FNDC1: variants seen among roughly 807,000 people sequenced by gnomAD.
The protein encoded by FNDC1 is fibronectin type III domain containing 1, also known as fibronectin type III domain-containing protein 1.
A neutral mutation model predicts 168.0 loss-of-function variants in FNDC1; 96 were observed. The ratio of observed to expected loss-of-function variants is 0.57; its 90% CI spans 0.48 to 0.68. FNDC1 has a LOEUF of 0.68. Ranked by LOEUF, FNDC1 falls within the 30% of genes least tolerant of loss-of-function variation. The pLI is 0.00. For synonymous variants in FNDC1, 1,099 were observed against 1,025.9 expected (o/e 1.07, Z -1.36); for missense variants, 2,587 against 2,482.1 (o/e 1.04, Z -0.90).
chr6:159,251,768 C>T (rs1342009750), intron 17 of FNDC1, among the ~76,000 whole-genome samples: 2 of 152,176 alleles, frequency 1.3e-5, no homozygotes, highest in East Asian at 1.9e-4. Flanking sequence ...CCTAAATCCG[C>T]GTCCCAGATT....
At chr6:159,238,465 A>C in intron 12 of FNDC1, 89 bp from the exon 13 acceptor site, 1 of 764,324 alleles carries the variant, frequency 1.3e-6, no homozygotes. Flanking sequence ...CCTTCTGTGG[A>C]AGCTTCAGGG....
In FNDC1 at chr6:159,169,590, G is replaced by A; in HGVS notation, c.-7G>A. Reference sequence around the variant, plus strand: ...AGCACCCAGCCCCGGCCCACCCCGGGCTCTCGATGGCCCCCGAGGCCGGGG... The same window carrying A: ...AGCACCCAGCCCCGGCCCACCCCGGACTCTCGATGGCCCCCGAGGCCGGGG... On this transcript the variant is annotated 5_prime_UTR_variant, in exon 1 of 23. Coordinates refer to ENST00000297267, the MANE Select transcript of FNDC1 (RefSeq NM_032532.3). This position sits in a 1 kb window ranked among gnomAD's most constrained non-coding sequence, Gnocchi z 6.8. 9.2e-7 allele frequency: 1 copy of A among 1,090,706 alleles called. No homozygotes were observed. Among genetic ancestry groups the A allele is most frequent in the Non-Finnish European group, 1.1e-6 (1 of 894,442 alleles). The allele number at this position is 1,090,706 out of a possible 1,614,324, so 67.6% of individuals were successfully genotyped here.
At position 159,234,383 on chromosome 6, in the gene FNDC1, T is replaced by G; in HGVS notation, c.3871T>G (p.Ser1291Ala). 6.2e-7 allele frequency: 1 copy of G among 1,613,276 alleles called. No homozygotes were observed. The highest frequency in any genetic ancestry group is 1.1e-5 in the South Asian group (1 of 91,000). The stretch of plus-strand genomic sequence containing the variant: ...CACGCGCGCCCCACCTGGCCACTTC[T>G]CCACCACCCCGATGCTGTCCTTGCG... ...YTTRAPPGHF[S>A]TTPMLSLRQR... is the part of the protein sequence containing the mutation. Residue 1291 changes from serine (S) to alanine (A), a missense_variant, in exon 11 of 23, where the codon TCC becomes GCC. Coordinates refer to ENST00000297267, the MANE Select transcript of FNDC1 (RefSeq NM_032532.3).
chr6:159,261,543 G>A (rs1428200635), intron 19 of FNDC1, among the ~76,000 whole-genome samples: 8 of 152,178 alleles, frequency 5.3e-5, no homozygotes, highest in Admixed American at 1.3e-4. Context: ...GAAAGATAAA[G>A]TTGACTCTAT....
intron 1 of FNDC1, among the ~76,000 whole-genome samples, chr6:159,184,135 G>C (rs975425955): frequency 3.9e-5 from 6 of 152,210 alleles, no homozygotes. Context: ...GAACACCAAA[G>C]TGCAGTGCAC....
intron 4 of FNDC1, among the ~76,000 whole-genome samples, chr6:159,214,508 C>T (rs375901280): frequency 2.6e-5 from 4 of 152,144 alleles, no homozygotes; most frequent in South Asian, 2.1e-4. Flanking sequence ...AAGGAAAGCC[C>T]GTCTTTTCAA....
At chr6:159,199,870 C>A in intron 2 of FNDC1, 126 bp from the exon 3 acceptor site, 2 of 729,546 alleles carry the variant, frequency 2.7e-6, no homozygotes, top group Non-Finnish European at 4.8e-6. Flanking sequence ...ATGCTTGTCA[C>A]TGAATTTGGA....
rs181084560 is a variant in FNDC1, at chr6:159,257,956, C to T, written c.5174+1325C>T. 1.3e-3 allele frequency among the ~76,000 whole-genome samples: 186 copies of T among 145,482 alleles called. 1 individual carries two copies. The highest frequency in any genetic ancestry group is 4.7e-3 in the African/African-American group (179 of 38,190). Reference sequence around the variant, plus strand: ...GCAGAGTGACAATGCTTTTGCAGCACAGCCCTAGTATCAAAAAGCCAAGAG... The same window carrying T: ...GCAGAGTGACAATGCTTTTGCAGCATAGCCCTAGTATCAAAAAGCCAAGAG... On this transcript the variant is annotated intron_variant, in intron 18 of 22. Coordinates refer to ENST00000297267, the MANE Select transcript of FNDC1 (RefSeq NM_032532.3).
At position 159,226,410 on chromosome 6, in the gene FNDC1, C is replaced by T. The variant is rs1480663978; in HGVS notation, c.1073-63C>T. On this transcript the variant is annotated intron_variant, in intron 8 of 22. Coordinates refer to ENST00000297267, the MANE Select transcript of FNDC1 (RefSeq NM_032532.3). ...AAAATGTGTACCTAGAGACCATGTGCTATTTACATCTAGAATGTCCGGTAA... is the reference window on the plus strand; with the variant it reads ...AAAATGTGTACCTAGAGACCATGTGTTATTTACATCTAGAATGTCCGGTAA... 10 of 1,256,332 alleles carry T rather than the reference C, an allele frequency of 8.0e-6. No homozygotes were observed. The East Asian group carries it at 2.5e-4, about 32-fold the overall frequency. 77.8% of individuals were successfully genotyped at this position (1,256,332 alleles called of 1,614,324 possible).
chr6:159,246,637 T>G (rs1777137631), intron 14 of FNDC1, among the ~76,000 whole-genome samples: 1 of 151,746 alleles, frequency 6.6e-6, no homozygotes, highest in African/African-American at 2.4e-5. Flanking sequence ...TGCTGAGGAG[T>G]CTGGGAACGT....
In FNDC1 at chr6:159,239,930, G is replaced by A; in HGVS notation, c.4594G>A (p.Gly1532Arg). ...DDGNLIMSSNGIPECYAEEDE... is the reference protein window; with the variant it reads ...DDGNLIMSSNRIPECYAEEDE... ...TGGCAACCTGATAATGAGCTCCAAT[G>A]GGATCCCAGAGTGCTACGCTGAAGA... The change falls in exon 14 of 23, where the codon GGG becomes AGG. Residue 1532 changes from glycine to arginine, a missense_variant. Gly to Arg is a moderately radical substitution (Grantham distance 125). Coordinates refer to ENST00000297267, the MANE Select transcript of FNDC1 (RefSeq NM_032532.3). 1 of 1,505,170 alleles carries A rather than the reference G, an allele frequency of 6.6e-7. No homozygotes were observed. The highest frequency in any genetic ancestry group is 8.9e-7 in the Non-Finnish European group (1 of 1,121,520). The allele number at this position is 1,505,170 out of a possible 1,614,324, so 93.2% of individuals were successfully genotyped here. A position where few individuals can be genotyped will look rare whatever the true frequency, so the allele number is the denominator to read the frequency against.
chr6:159,197,800 C>T (rs564323346), intron 2 of FNDC1, among the ~76,000 whole-genome samples, 175 bp downstream of exon 2: 6 of 152,272 alleles, frequency 3.9e-5, no homozygotes, highest in East Asian at 1.9e-4. Context: ...GTTTGACAGC[C>T]GGTGTGGGAC....
At chr6:159,241,142 T>A (rs1429843453) in intron 14 of FNDC1, 2 of 152,242 alleles carry the variant, frequency 1.3e-5, no homozygotes, top group Non-Finnish European at 2.9e-5. Context: ...AAATTTCTAC[T>A]CTGTCCATTG....
intron 1 of FNDC1, among the ~76,000 whole-genome samples, chr6:159,196,789 G>A (rs982274188): frequency 2.0e-5 from 3 of 152,118 alleles, no homozygotes; most frequent in African/African-American, 7.2e-5. Context: ...AATTTCTTTG[G>A]AACCTCATAA....
chr6:159,193,858 G>A (rs1022612566), intron 1 of FNDC1, among the ~76,000 whole-genome samples: 19 of 152,034 alleles, frequency 1.2e-4, no homozygotes, highest in African/African-American at 4.4e-4. Context: ...TTCATTCTCC[G>A]GCAAACCAAT....
At chr6:159,256,762 A>G in intron 18 of FNDC1, 131 bp downstream of exon 18, 2 of 695,252 alleles carry the variant, frequency 2.9e-6, no homozygotes, top group Non-Finnish European at 5.1e-6. Context: ...GTTCTAATAG[A>G]ATGTCAATGC....
intron 17 of FNDC1, among the ~76,000 whole-genome samples, chr6:159,253,530 A>C (rs533078232): frequency 8.3e-4 from 126 of 152,354 alleles, no homozygotes; most frequent in African/African-American, 3.0e-3. Flanking sequence ...GTCAATGTGT[A>C]ATGAAGTGGT....
Position 159,267,874 on chromosome 6 carries a change from T to G in FNDC1, c.5517T>G (p.Leu1839=). 6.2e-7 allele frequency: 1 copy of G among 1,613,346 alleles called. No individual in the cohort carries two copies. The highest frequency in any genetic ancestry group is 1.6e-4 in the Middle Eastern group (1 of 6,062). ...EDHCQFVDSH[L]DGRTGPQSYV... is the part of the protein sequence containing the mutation. Reference sequence around the variant, plus strand: ...ATTGCCAATTTGTGGATTCACACCTTGATGGAAGAACAGGGCCTCAGTCCT... The same window carrying G: ...ATTGCCAATTTGTGGATTCACACCTGGATGGAAGAACAGGGCCTCAGTCCT... The change falls in exon 22 of 23, where the codon CTT becomes CTG. Residue 1839 remains leucine, a synonymous_variant. Coordinates refer to ENST00000297267, the MANE Select transcript of FNDC1 (RefSeq NM_032532.3).
At chr6:159,267,268 C>T (rs1474335511) in intron 21 of FNDC1, among the ~76,000 whole-genome samples, 1 of 152,056 alleles carries the variant, frequency 6.6e-6, no homozygotes, top group Admixed American at 6.6e-5. Flanking sequence ...TCCTTTTCCT[C>T]CCCTGCTTCA....
Sources: gnomAD v4.1 joint callset for allele counts (sites outside exome capture counted in the v4.1 genomes callset) on GRCh38, gnomAD v4.1.1 for gene constraint, Gnocchi (gnomAD v3.1) non-coding constraint, MANE v1.5 for transcripts, NCBI Gene and HGNC (gene_info 2026-07-23, HGNC 2026-07-21) for gene names.